FSTL5: variants seen among roughly 807,000 people sequenced by gnomAD.
FSTL5 encodes the protein follistatin-related protein 5.
A neutral mutation model predicts 89.1 loss-of-function variants in FSTL5; 62 were observed. The ratio of observed to expected loss-of-function variants is 0.70; its 90% CI spans 0.57 to 0.86. The LOEUF is 0.86. Among genes scored for constraint, FSTL5 ranks in the 40% least tolerant of loss-of-function variants. The pLI, the probability that FSTL5 is intolerant of heterozygous loss-of-function variation, is 0.00. For missense variants in FSTL5, 1,057 were observed against 1,001.6 expected, an observed-to-expected ratio of 1.06 and a Z score of -0.75; for synonymous variants, 383 against 346.2, an observed-to-expected ratio of 1.11 and a Z score of -1.18.
At chr4:161,841,881 C>T (rs758333367) in intron 4 of FSTL5, among the ~76,000 whole-genome samples, 3 of 152,038 alleles carry the variant, frequency 2.0e-5, no homozygotes, top group Non-Finnish European at 2.9e-5. Context: ...GCCTTAAGAT[C>T]GGCTCCCAGC....
intron 6 of FSTL5, among the ~76,000 whole-genome samples, chr4:161,673,512 A>C (rs1012330586): frequency 6.6e-6 from 1 of 152,060 alleles, no homozygotes; most frequent in African/African-American, 2.4e-5. Context: ...AGTAACAAAA[A>C]TCTAAACTAA....
intron 1 of FSTL5, among the ~76,000 whole-genome samples, chr4:162,131,710 A>G (rs78020025): frequency 0.095 from 14,517 of 152,226 alleles, 882 homozygotes; most frequent in African/African-American, 0.16. Context: ...TGAGTCAGAA[A>G]CTTCAGCCAC....
intron 6 of FSTL5, among the ~76,000 whole-genome samples, chr4:161,668,017 A>C (rs919796643): frequency 1.1e-4 from 16 of 152,144 alleles, no homozygotes. Flanking sequence ...GGTAAAAGAA[A>C]GAATGAAAAT....
At chr4:161,909,354 ACTC>A (rs753694874) in intron 4 of FSTL5, among the ~76,000 whole-genome samples, 5 of 152,052 alleles carry the variant, frequency 3.3e-5, no homozygotes, top group African/African-American at 1.2e-4. Flanking sequence ...GAAAAATAAA[ACTC>A]CTGGTTAAAA....
chr4:161,717,224 A>T, intron 6 of FSTL5, among the ~76,000 whole-genome samples: 1 of 152,224 alleles, frequency 6.6e-6, no homozygotes, highest in East Asian at 1.9e-4. Flanking sequence ...ACAGGTATGC[A>T]GATTCTATTT....
intron 15 of FSTL5, among the ~76,000 whole-genome samples, chr4:161,418,916 A>G (rs1052669418): frequency 4.6e-5 from 7 of 152,228 alleles, no homozygotes; most frequent in African/African-American, 1.7e-4. Flanking sequence ...GATGTATTTC[A>G]TTCTTGTTTT....
chr4:161,566,417 T>A (rs150930260), intron 8 of FSTL5, among the ~76,000 whole-genome samples: 1 of 151,946 alleles, frequency 6.6e-6, no homozygotes, highest in Non-Finnish European at 1.5e-5. Flanking sequence ...GTAATGAACA[T>A]AGGGCTGCAT....
chr4:161,814,287 A>G (rs538842181), intron 4 of FSTL5, among the ~76,000 whole-genome samples: 1 of 152,270 alleles, frequency 6.6e-6, no homozygotes, highest in East Asian at 1.9e-4. Context: ...CTTGGGTCTC[A>G]GGTCAAGTTA....
chr4:161,933,463 T>G (rs927782206), intron 3 of FSTL5, among the ~76,000 whole-genome samples: 1 of 152,122 alleles, frequency 6.6e-6, no homozygotes, highest in Non-Finnish European at 1.5e-5. Flanking sequence ...AGTAATGATA[T>G]GAGATAGTTA....
At chr4:162,014,882 G>C (rs1403838509) in intron 3 of FSTL5, among the ~76,000 whole-genome samples, 1 of 152,004 alleles carries the variant, frequency 6.6e-6, no homozygotes, top group East Asian at 1.9e-4. Context: ...AAGAAGGAAA[G>C]CAAGAAAATA....
intron 3 of FSTL5, among the ~76,000 whole-genome samples, chr4:162,013,469 A>G (rs553325912): frequency 1.1e-4 from 16 of 152,312 alleles, no homozygotes; most frequent in African/African-American, 3.8e-4. Flanking sequence ...CAGGAACACT[A>G]GAATAGTTTA....
At chr4:161,394,746 T>C (rs1028996261) in intron 15 of FSTL5, among the ~76,000 whole-genome samples, 5 of 152,228 alleles carry the variant, frequency 3.3e-5, no homozygotes, top group African/African-American at 1.2e-4. Context: ...TTGTAATATA[T>C]GTTTAGAAAT....
At chr4:161,835,032 A>G (rs1560872490) in intron 4 of FSTL5, among the ~76,000 whole-genome samples, 1 of 145,226 alleles carries the variant, frequency 6.9e-6, no homozygotes, top group Non-Finnish European at 1.5e-5. Context: ...TGGAGGCATC[A>G]TGATACTTGA....
intron 3 of FSTL5, among the ~76,000 whole-genome samples, chr4:161,992,861 A>AAAT (rs1553989495): frequency 2.8e-4 from 21 of 76,256 alleles, no homozygotes; most frequent in African/African-American, 1.1e-3. Context: ...AAAAAAAAAA[A>AAAT]ATATATATAT....
intron 2 of FSTL5, among the ~76,000 whole-genome samples, chr4:162,092,325 A>C (rs1456250173): frequency 6.6e-6 from 1 of 152,214 alleles, no homozygotes; most frequent in Non-Finnish European, 1.5e-5. Flanking sequence ...CCTTCACGAA[A>C]TATTCTTAAA....
chr4:161,560,706 T>A (rs892957240), intron 8 of FSTL5, among the ~76,000 whole-genome samples: 1 of 151,874 alleles, frequency 6.6e-6, no homozygotes, highest in Non-Finnish European at 1.5e-5. Flanking sequence ...TTTATCTATA[T>A]CACTGTCTTC....
chr4:161,638,990 G>T lies in FSTL5; in HGVS notation c.894+17338C>A, dbSNP rs1047270472. Among the ~76,000 whole-genome samples, 6 of 148,990 alleles carry T rather than the reference G, an allele frequency of 4.0e-5. No homozygotes were observed. In the Admixed American group the frequency reaches 4.0e-4, roughly 10 times the overall value. ...CTCTCAATAAATTAGGTATTGATGG[G>T]ACGTACTTCAAAATAATAAGAGCTA... On this transcript the variant is annotated intron_variant, in intron 7 of 15. Coordinates refer to ENST00000306100, the MANE Select transcript of FSTL5 (RefSeq NM_020116.5).
At chr4:162,154,093 C>T (rs2110742141) in intron 1 of FSTL5, among the ~76,000 whole-genome samples, 1 of 152,028 alleles carries the variant, frequency 6.6e-6, no homozygotes, top group East Asian at 1.9e-4. Flanking sequence ...AGGCTTGAGC[C>T]ACTGCACCCA....
chr4:161,663,083 T>C (rs1364122777), intron 6 of FSTL5, among the ~76,000 whole-genome samples: 1 of 152,098 alleles, frequency 6.6e-6, no homozygotes, highest in Non-Finnish European at 1.5e-5. Flanking sequence ...CTCAGTTACC[T>C]TCCCCTGGGT....
Sources: allele counts gnomAD v4.1 joint callset (sites outside exome capture counted in the v4.1 genomes callset), GRCh38; gene constraint gnomAD v4.1.1; transcripts MANE v1.5; gene names NCBI Gene and HGNC (gene_info 2026-07-23, HGNC 2026-07-21).